The following WDR91 variants were observed in gnomAD, a reference collection of about 807,000 sequenced individuals.
The protein encoded by WDR91 is WD repeat-containing protein 91.
A neutral mutation model predicts 88.4 loss-of-function variants in WDR91; 52 were observed. That is an observed-to-expected ratio of 0.59 (90% confidence interval 0.47 to 0.74). WDR91 has a LOEUF of 0.74. Among genes scored for constraint, WDR91 ranks in the 30% least tolerant of loss-of-function variants. WDR91 has a pLI of 0.00. For missense variants in WDR91, 824 were observed against 954.5 expected, an observed-to-expected ratio of 0.86 and a Z score of 1.80; for synonymous variants, 362 against 389.5, an observed-to-expected ratio of 0.93 and a Z score of 0.83.
intron 9 of WDR91, 116 bp downstream of exon 9, chr7:135,194,818 A>G (rs1037980633): frequency 1.2e-5 from 17 of 1,396,586 alleles, no homozygotes; most frequent in Admixed American, 4.0e-5. Flanking sequence ...TGAATCCCCA[A>G]TAATGGAGAG....
At chr7:135,205,779 C>T in intron 5 of WDR91, 149 bp downstream of exon 5, 1 of 1,200,362 alleles carries the variant, frequency 8.3e-7, no homozygotes, top group Non-Finnish European at 1.2e-6. Context: ...AAATAAAGCT[C>T]TCAAGCAAGA....
chr7:135,204,465 G>T, intron 5 of WDR91, 32 bp from the exon 6 acceptor site: 4 of 1,608,420 alleles, frequency 2.5e-6, no homozygotes, highest in Non-Finnish European at 3.4e-6. Context: ...GGGTCAGAGG[G>T]CTGAAACAGG....
chr7:135,201,511 G>C (rs1239372922), intron 6 of WDR91: 1 of 152,126 alleles, frequency 6.6e-6, no homozygotes, highest in Non-Finnish European at 1.5e-5. Flanking sequence ...AATGACAACA[G>C]GTACAGCAAC....
chr7:135,195,110 G>A, intron 8 of WDR91, 26 bp from the exon 9 acceptor site: 1 of 1,604,468 alleles, frequency 6.2e-7, no homozygotes, highest in Non-Finnish European at 8.5e-7. Context: ...AGGGAGGCCT[G>A]TCAGCTGGCC....
At position 135,188,503 on chromosome 7, in the gene WDR91, T is replaced by C. The variant is rs1831039561; in HGVS notation, c.1811A>G (p.Tyr604Cys). ...HECAMSWRAH[Y>C]GEVYSVEFSY... ...GAACTCCACAGAGTAGACCTCCCCG[T>C]AGTGGGCCCTCCAGCTCATCGCGCA... Residue 604 changes from tyrosine (Y) to cysteine (C), a missense_variant, in exon 13 of 15, where the codon TAC becomes TGC. By Grantham distance (194) the Tyr-to-Cys change is radical. Coordinates refer to ENST00000354475, the MANE Select transcript of WDR91 (RefSeq NM_014149.4). The C allele has an allele frequency of 2.5e-6, 4 of 1,613,978 alleles. No individual in the cohort carries two copies. Among genetic ancestry groups the C allele is most frequent in the Non-Finnish European group, 3.4e-6 (4 of 1,180,000 alleles).
At chr7:135,199,790 T>C (rs905935802) in intron 6 of WDR91, 3 of 151,294 alleles carry the variant, frequency 2.0e-5, no homozygotes, top group South Asian at 2.1e-4. Flanking sequence ...CACTGGATAA[T>C]GGTGTCTTTT....
chr7:135,198,413 G>C (rs961768845), intron 6 of WDR91: 2 of 444,168 alleles, frequency 4.5e-6, no homozygotes, highest in Admixed American at 3.6e-5. Flanking sequence ...ATGTCATCTT[G>C]ATCTAATCGG....
At chr7:135,199,146 T>C (rs1333005815) in intron 6 of WDR91, 1 of 152,250 alleles carries the variant, frequency 6.6e-6, no homozygotes, top group African/African-American at 2.4e-5. Flanking sequence ...CTTGTTATTT[T>C]TTATGTCAAC....
chr7:135,188,883 G>C (rs1241926835), intron 12 of WDR91, among the ~76,000 whole-genome samples: 1 of 152,188 alleles, frequency 6.6e-6, no homozygotes, highest in East Asian at 1.9e-4. Flanking sequence ...AGATACAGTT[G>C]CCTTGCCCCA....
chr7:135,204,939 G>A (rs1310012811), intron 5 of WDR91, among the ~76,000 whole-genome samples: 7 of 150,996 alleles, frequency 4.6e-5, no homozygotes, highest in African/African-American at 9.8e-5. Context: ...ATTAAATTAC[G>A]TATTTGGCTC....
intron 6 of WDR91, chr7:135,198,359 T>A (rs892239742): frequency 5.5e-6 from 3 of 542,618 alleles, no homozygotes; most frequent in African/African-American, 3.8e-5. Flanking sequence ...AGAGGACAGG[T>A]CACCTGCAAT....
chr7:135,190,771 G>T (rs1831134845), intron 11 of WDR91, among the ~76,000 whole-genome samples: 1 of 152,156 alleles, frequency 6.6e-6, no homozygotes, highest in African/African-American at 2.4e-5. Flanking sequence ...ATATAGTAGA[G>T]GAGAGATTAG....
intron 7 of WDR91, 45 bp downstream of exon 7, chr7:135,197,948 G>A (rs372614164): frequency 1.3e-6 from 2 of 1,591,998 alleles, no homozygotes; most frequent in Middle Eastern, 1.7e-4. Context: ...GTGTTCCTCA[G>A]TAGCTGCATG....
At chr7:135,193,459 T>G in intron 10 of WDR91, 60 bp from the exon 11 acceptor site, 1 of 1,610,640 alleles carries the variant, frequency 6.2e-7, no homozygotes, top group Non-Finnish European at 8.5e-7. Flanking sequence ...AGGGTGCACT[T>G]TGGTCCTGAG....
At chr7:135,205,772 T>C (rs1050238955) in intron 5 of WDR91, among the ~76,000 whole-genome samples, 156 bp downstream of exon 5, 2 of 151,926 alleles carry the variant, frequency 1.3e-5, no homozygotes, top group African/African-American at 4.8e-5. Flanking sequence ...AAAATAAAAA[T>C]AAAGCTCTCA....
At chr7:135,195,116 T>C (rs201319331) in intron 8 of WDR91, 32 bp from the exon 9 acceptor site, 1,552 of 1,600,274 alleles carry the variant, frequency 9.7e-4, no homozygotes, top group Non-Finnish European at 1.2e-3. Context: ...GCCTGTCAGC[T>C]GGCCTCTCAG....
chr7:135,193,067 T>C, intron 11 of WDR91, 164 bp downstream of exon 11: 1 of 1,023,576 alleles, frequency 9.8e-7, no homozygotes, highest in East Asian at 2.6e-5. Flanking sequence ...GAATGACATG[T>C]CACTAACAAT....
At chr7:135,204,586 A>G in intron 5 of WDR91, 153 bp from the exon 6 acceptor site, 2 of 758,670 alleles carry the variant, frequency 2.6e-6, no homozygotes, top group Non-Finnish European at 4.1e-6. Flanking sequence ...CCTTGGCATC[A>G]TTTTTTTGCA....
At chr7:135,191,889 T>C (rs1163886492) in intron 11 of WDR91, among the ~76,000 whole-genome samples, 1 of 152,082 alleles carries the variant, frequency 6.6e-6, no homozygotes, top group African/African-American at 2.4e-5. Context: ...AATAAGAACT[T>C]TGGAGGAAAA....
Sources: allele counts gnomAD v4.1 joint callset (sites outside exome capture counted in the v4.1 genomes callset), GRCh38; gene constraint gnomAD v4.1.1; transcripts MANE v1.5; gene names NCBI Gene and HGNC (gene_info 2026-07-23, HGNC 2026-07-21).